The following NIBAN1 variants were observed in gnomAD, a reference collection of about 807,000 sequenced individuals.
The protein encoded by NIBAN1 is niban apoptosis regulator 1, also known as protein Niban 1.
A neutral mutation model predicts 75.1 loss-of-function variants in NIBAN1; 81 were observed. The ratio of observed to expected loss-of-function variants is 1.08; its 90% CI spans 0.90 to 1.30. The LOEUF is 1.30. Among genes scored for constraint, NIBAN1 ranks in the 50% most tolerant of loss-of-function variants. NIBAN1 has a pLI of 0.00. For synonymous variants in NIBAN1, 436 were observed against 424.8 expected (o/e 1.03, Z -0.32); for missense variants, 1,133 against 1,128.1 (o/e 1.00, Z -0.06).
intron 1 of NIBAN1, among the ~76,000 whole-genome samples, chr1:184,950,533 A>G (rs1452671776): frequency 6.6e-6 from 1 of 152,226 alleles, no homozygotes; most frequent in East Asian, 1.9e-4. Flanking sequence ...AATGTACCCA[A>G]GAACAATAAA....
intron 5 of NIBAN1, among the ~76,000 whole-genome samples, chr1:184,832,272 C>T (rs1410442986): frequency 6.6e-6 from 1 of 152,192 alleles, no homozygotes; most frequent in Non-Finnish European, 1.5e-5. Flanking sequence ...CACCCAGCGC[C>T]TTTACGCTAC....
intron 8 of NIBAN1, among the ~76,000 whole-genome samples, chr1:184,820,297 C>A (rs999956590): frequency 2.0e-5 from 3 of 152,184 alleles, no homozygotes; most frequent in African/African-American, 7.2e-5. Flanking sequence ...GATGGCAGAT[C>A]TGGGTGGGGC....
intron 12 of NIBAN1, among the ~76,000 whole-genome samples, chr1:184,802,407 C>A (rs1654069563): frequency 6.6e-6 from 1 of 152,066 alleles, no homozygotes; most frequent in Non-Finnish European, 1.5e-5. Context: ...AAAAAAAATC[C>A]TAAGCAGAAC....
Position 184,823,334 on chromosome 1 carries a change from A to C in NIBAN1, c.823-5T>G, listed in dbSNP as rs761583786. On this transcript the variant is annotated splice_region_variant and splice_polypyrimidine_tract_variant and intron_variant, in intron 7 of 13. Transcript: ENST00000367511. The stretch of plus-strand genomic sequence containing the variant: ...GGTGTAGGCCTCCTCGAGGAGCTGC[A>C]ACAAGGAATAACACATAAATCAGGG... 6.2e-7 allele frequency: 1 copy of C among 1,613,890 alleles called. No individual in the cohort carries two copies. The highest frequency in any genetic ancestry group is 8.5e-7 in the Non-Finnish European group (1 of 1,179,902).
At chr1:184,931,645 G>A (rs234634) in intron 1 of NIBAN1, among the ~76,000 whole-genome samples, 27,758 of 152,068 alleles carry the variant, frequency 0.18, 5,424 homozygotes, top group African/African-American at 0.5. Context: ...TGTCTTACAG[G>A]ATCTATAACA....
chr1:184,802,864 A>G (rs1223714677), intron 12 of NIBAN1, among the ~76,000 whole-genome samples: 4 of 152,234 alleles, frequency 2.6e-5, no homozygotes, highest in Non-Finnish European at 4.4e-5. Flanking sequence ...TAGGTAAGCA[A>G]GAACTGGGTT....
intron 1 of NIBAN1, among the ~76,000 whole-genome samples, chr1:184,958,542 T>C (rs1370322898): frequency 6.6e-6 from 1 of 152,222 alleles, no homozygotes; most frequent in Non-Finnish European, 1.5e-5. Flanking sequence ...GAAAAAGCTA[T>C]GTATACTTGG....
intron 5 of NIBAN1, among the ~76,000 whole-genome samples, chr1:184,843,254 T>C (rs1029765908): frequency 6.6e-6 from 1 of 152,220 alleles, no homozygotes; most frequent in African/African-American, 2.4e-5. Flanking sequence ...GTAACCCTGA[T>C]TGATCTCATT....
chr1:184,856,762 TC>T (rs1213822912), intron 5 of NIBAN1, among the ~76,000 whole-genome samples: 4 of 152,212 alleles, frequency 2.6e-5, no homozygotes, highest in African/African-American at 9.6e-5. Flanking sequence ...CCCCATTGGA[TC>T]CCCGGCACTC....
intron 3 of NIBAN1, among the ~76,000 whole-genome samples, chr1:184,892,921 A>T (rs1357553445): frequency 6.6e-6 from 1 of 151,994 alleles, no homozygotes; most frequent in African/African-American, 2.4e-5. Flanking sequence ...ACAGGCATGC[A>T]CCAGCATGCC....
intron 1 of NIBAN1, among the ~76,000 whole-genome samples, chr1:184,947,492 T>C (rs1223081248): frequency 6.6e-6 from 1 of 152,242 alleles, no homozygotes; most frequent in Non-Finnish European, 1.5e-5. Flanking sequence ...ATTGTGAATA[T>C]AGTTAATGCT....
At position 184,806,058 on chromosome 1, in the gene NIBAN1, T is replaced by C. The variant is rs754988093; in HGVS notation, c.1336-2A>G. The C allele has an allele frequency of 2.5e-6, 4 of 1,612,650 alleles. No individual in the cohort carries two copies. The highest frequency in any genetic ancestry group is 3.4e-6 in the Non-Finnish European group (4 of 1,179,000). On this transcript the variant is annotated splice_acceptor_variant, in intron 10 of 13. Transcript: ENST00000367511. LOFTEE classifies it high-confidence loss of function. ...AGTGAACACTGCATTCTCCATTAGCTAGAAACCAGAAGCGACACAGAAACA... is the reference window on the plus strand; with the variant it reads ...AGTGAACACTGCATTCTCCATTAGCCAGAAACCAGAAGCGACACAGAAACA...
At chr1:184,804,318 A>G (rs943040423) in intron 11 of NIBAN1, among the ~76,000 whole-genome samples, 3 of 152,244 alleles carry the variant, frequency 2.0e-5, no homozygotes, top group African/African-American at 7.2e-5. Flanking sequence ...GAATAGTTAA[A>G]GAGATGAAGG....
intron 11 of NIBAN1, 123 bp downstream of exon 11, chr1:184,805,823 T>C: frequency 1.4e-5 from 10 of 725,836 alleles, no homozygotes; most frequent in Non-Finnish European, 2.3e-5. Context: ...TCACTGGACT[T>C]GGGAGAGAAA....
intron 1 of NIBAN1, among the ~76,000 whole-genome samples, chr1:184,941,757 T>A (rs573469530): frequency 1.3e-5 from 2 of 152,264 alleles, no homozygotes; most frequent in South Asian, 4.1e-4. Context: ...CAATGATAGT[T>A]GTTTTACTCT....
chr1:184,937,690 A>G (rs1443570140), intron 1 of NIBAN1, among the ~76,000 whole-genome samples: 1 of 152,230 alleles, frequency 6.6e-6, no homozygotes, highest in Non-Finnish European at 1.5e-5. Flanking sequence ...GCTAAAGCCA[A>G]GGAGCAACAT....
At chr1:184,866,557 T>G (rs1402695143) in intron 5 of NIBAN1, among the ~76,000 whole-genome samples, 2 of 152,218 alleles carry the variant, frequency 1.3e-5, no homozygotes, top group Admixed American at 6.5e-5. Flanking sequence ...TATTTCAATT[T>G]CAAATCTGTT....
In NIBAN1 at chr1:184,925,334, A is replaced by G. The variant is rs573197899; in HGVS notation, c.56-26025T>C. On this transcript the variant is annotated intron_variant, in intron 1 of 13. Transcript: ENST00000367511. Reference sequence around the variant, plus strand: ...GAAGTGTATTTCCTATAGGCAACCAATCATTGGGTCTTGTGTTTTATCCAT... The same window carrying G: ...GAAGTGTATTTCCTATAGGCAACCAGTCATTGGGTCTTGTGTTTTATCCAT... 3.3e-5 allele frequency among the ~76,000 whole-genome samples: 5 copies of G among 152,140 alleles called. No homozygotes were observed. The East Asian group carries it at 5.8e-4, about 18-fold the overall frequency.
chr1:184,930,355 A>T (rs1007437570), intron 1 of NIBAN1, among the ~76,000 whole-genome samples: 8 of 152,202 alleles, frequency 5.3e-5, no homozygotes, highest in African/African-American at 1.9e-4. Flanking sequence ...CACAACATAG[A>T]GAGATGTATC....
Sources: allele counts gnomAD v4.1 joint callset (sites outside exome capture counted in the v4.1 genomes callset), GRCh38; gene constraint gnomAD v4.1.1; transcripts MANE v1.5; gene names NCBI Gene and HGNC (gene_info 2026-07-23, HGNC 2026-07-21).